Variants in KLRG1 observed in about 807,000 individuals in gnomAD.
KLRG1 encodes killer cell lectin-like receptor subfamily G member 1.
KLRG1 carries 16 observed loss-of-function variants against 21.8 expected under a neutral mutation model. That is an observed-to-expected ratio of 0.73 (90% CI 0.50 to 1.11). KLRG1 has a LOEUF of 1.11. KLRG1 is among the 50% of genes most tolerant of loss of function. The pLI is 0.00. For missense variants in KLRG1, 173 were observed against 218.3 expected (o/e 0.79, Z 1.31); for synonymous variants, 69 against 75.9 (o/e 0.91, Z 0.47).
the KLRG1 span, chr12:9,098,823 T>G: frequency 6.5e-7 from 1 of 1,547,492 alleles, no homozygotes; most frequent in Non-Finnish European, 8.8e-7. Flanking sequence ...CACTCGCATT[T>G]GCAGAGTGTT....
chr12:9,127,972 G>A, the KLRG1 span: 13 of 313,084 alleles, frequency 4.2e-5, no homozygotes, highest in Admixed American at 2.1e-4. Context: ...GACACCCGCC[G>A]CCTGGCTGCA....
chr12:8,951,905 A>T (rs1946211821), intron 1 of KLRG1, among the ~76,000 whole-genome samples: 1 of 152,278 alleles, frequency 6.6e-6, no homozygotes, highest in Non-Finnish European at 1.5e-5. Flanking sequence ...GTCTGCTGTC[A>T]GAGTGGAAGC....
chr12:9,112,005 A>G, the KLRG1 span: 21 of 803,344 alleles, frequency 2.6e-5, no homozygotes, highest in Non-Finnish European at 4.3e-5. Flanking sequence ...ACCTGGAATG[A>G]TGTTTTAGAT....
the KLRG1 span, among the ~76,000 whole-genome samples, chr12:9,073,732 G>A: frequency 6.6e-6 from 1 of 152,226 alleles, no homozygotes; most frequent in South Asian, 2.1e-4. Flanking sequence ...GCTAGATTTA[G>A]GAGGTTGGAT....
chr12:9,009,790 T>C lies in KLRG1; in HGVS notation c.*253T>C. 2 of 1,415,608 alleles carry C rather than the reference T, an allele frequency of 1.4e-6. No homozygotes were observed. Among genetic ancestry groups the C allele is most frequent in the South Asian group, 3.2e-5 (2 of 62,294 alleles). 87.7% of individuals were successfully genotyped at this position (1,415,608 alleles called of 1,614,324 possible). A position where few individuals can be genotyped will look rare whatever the true frequency, so the allele number is the denominator to read the frequency against. On this transcript the variant is annotated 3_prime_UTR_variant, in exon 5 of 5. Coordinates refer to ENST00000356986, the MANE Select transcript of KLRG1 (RefSeq NM_005810.4). The stretch of plus-strand genomic sequence containing the variant: ...AATTTTGAAATAGATGTTTGTTTTT[T>C]GTATTTCTCAGTATGGAAACTAATG...
At chr12:9,079,672 T>C in the KLRG1 span, 529,148 of 1,612,050 alleles carry the variant, frequency 0.33, 90,577 homozygotes, top group Admixed American at 0.38. Flanking sequence ...TTGGACTTGA[T>C]CTCTGGAGTA....
At chr12:9,048,292 G>A in the KLRG1 span, among the ~76,000 whole-genome samples, 1 of 152,056 alleles carries the variant, frequency 6.6e-6, no homozygotes, top group Non-Finnish European at 1.5e-5. Flanking sequence ...GAAGTCTTAC[G>A]AGAAATTTAA....
chr12:9,163,925 A>G, the KLRG1 span: 1 of 1,280,922 alleles, frequency 7.8e-7, no homozygotes, highest in Middle Eastern at 2.3e-4. Context: ...GTTAATGTAT[A>G]CTAAGTAGCC....
the KLRG1 span, chr12:9,160,178 A>G: frequency 2.4e-5 from 26 of 1,092,366 alleles, no homozygotes; most frequent in Admixed American, 3.4e-4. Context: ...CAAACACAAC[A>G]TCCTATTAGA....
chr12:9,094,620 ATGTCATTGATGAATG>A, the KLRG1 span, among the ~76,000 whole-genome samples: 7 of 152,054 alleles, frequency 4.6e-5, no homozygotes, highest in African/African-American at 1.7e-4. Flanking sequence ...GAAGTAGCTC[ATGTCATTGATGAATG>A]TGTGTGGTTC....
At chr12:9,003,380 A>G (rs1283559449) in intron 3 of KLRG1, among the ~76,000 whole-genome samples, 1 of 151,704 alleles carries the variant, frequency 6.6e-6, no homozygotes, top group Non-Finnish European at 1.5e-5. Context: ...TTTGATTTGA[A>G]TATACTCAAA....
the KLRG1 span, chr12:9,162,310 GCTGGGCTTGTCAGTGAGCAGCCA>G: frequency 3.2e-5 from 10 of 315,864 alleles, no homozygotes; most frequent in Non-Finnish European, 5.2e-5. Context: ...AGCTTCTGCA[GCTGGGCTTGTCAGTGAGCAGCCA>G]CTGGGCTATC....
the KLRG1 span, among the ~76,000 whole-genome samples, chr12:9,060,028 G>GA: frequency 1.1e-5 from 1 of 90,056 alleles, no homozygotes; most frequent in African/African-American, 4.6e-5. Context: ...TTTTTGAGAT[G>GA]GAGTTTCGCT....
At chr12:9,090,406 C>T in the KLRG1 span, 1 of 1,613,992 alleles carries the variant, frequency 6.2e-7, no homozygotes, top group Non-Finnish European at 8.5e-7. Context: ...CCCGTTTGCA[C>T]AGATGCAGTG....
At chr12:9,028,426 A>G in the KLRG1 span, among the ~76,000 whole-genome samples, 1 of 148,812 alleles carries the variant, frequency 6.7e-6, no homozygotes, top group Non-Finnish European at 1.5e-5. Flanking sequence ...CTGGGATTAC[A>G]GGTGTGAGCC....
At chr12:9,074,916 T>C in the KLRG1 span, 3 of 978,878 alleles carry the variant, frequency 3.1e-6, no homozygotes, top group Non-Finnish European at 4.4e-6. Flanking sequence ...TAGATGCTTT[T>C]CCCTTCATGT....
At chr12:9,038,339 A>G in the KLRG1 span, among the ~76,000 whole-genome samples, 200 of 152,314 alleles carry the variant, frequency 1.3e-3, no homozygotes, top group Non-Finnish European at 2.3e-3. Flanking sequence ...CTCTAGCAGA[A>G]GCCAAAGCTG....
intron 2 of KLRG1, among the ~76,000 whole-genome samples, chr12:8,993,224 G>C (rs768334903): frequency 4.9e-4 from 75 of 151,776 alleles, no homozygotes; most frequent in African/African-American, 1.6e-3. Flanking sequence ...CCTAGCTTAG[G>C]TTTATATTTT....
chr12:9,061,658 A>C, the KLRG1 span, among the ~76,000 whole-genome samples: 1 of 152,182 alleles, frequency 6.6e-6, no homozygotes, highest in African/African-American at 2.4e-5. Context: ...TACAAAAAAT[A>C]AATAAATAAG....
Sources: gnomAD v4.1 joint callset for allele counts (sites outside exome capture counted in the v4.1 genomes callset) on GRCh38, gnomAD v4.1.1 for gene constraint, MANE v1.5 for transcripts, NCBI Gene and HGNC (gene_info 2026-07-23, HGNC 2026-07-21) for gene names.